Variants in SHLD1 observed in about 807,000 individuals in gnomAD.
The protein encoded by SHLD1 is RINN1-REV7-interacting novel NHEJ regulator 3.
Under a neutral mutation model 5.5 loss-of-function variants are expected in SHLD1, and 3 were observed. The ratio of observed to expected loss-of-function variants is 0.54; its 90% CI spans 0.25 to 1.40. SHLD1 has a LOEUF of 1.40. Ranked by LOEUF, SHLD1 falls within the 40% of genes most tolerant of loss-of-function variation. The pLI is 0.15. For missense variants in SHLD1, 210 were observed against 244.4 expected, an observed-to-expected ratio of 0.86 and a Z score of 0.94; for synonymous variants, 92 against 94.3, an observed-to-expected ratio of 0.98 and a Z score of 0.14.
At chr20:5,831,800 G>T (rs1173875175) in intron 2 of SHLD1, among the ~76,000 whole-genome samples, 2 of 152,092 alleles carry the variant, frequency 1.3e-5, no homozygotes, top group East Asian at 3.8e-4. Flanking sequence ...TGTGAAATGT[G>T]AAAAAAGCAC....
chr20:5,773,397 C>A, intron 2 of SHLD1: 1 of 550,094 alleles, frequency 1.8e-6, no homozygotes, highest in Non-Finnish European at 3.2e-6. Context: ...CAGAAAATAG[C>A]AATGTGGGCC....
intron 2 of SHLD1, among the ~76,000 whole-genome samples, chr20:5,829,577 C>T (rs1151951): frequency 0.5 from 76,289 of 151,992 alleles, 20,051 homozygotes; most frequent in East Asian, 0.63. Flanking sequence ...AGATTAACTC[C>T]GCAGCCATGT....
Position 5,806,813 on chromosome 20 carries a change from T to C in SHLD1, c.178+33770T>C, listed in dbSNP as rs1312309771. 6.6e-6 allele frequency among the ~76,000 whole-genome samples: 1 copy of C among 152,246 alleles called. No individual in the cohort carries two copies. Among genetic ancestry groups the C allele is most frequent in the African/African-American group, 2.4e-5 (1 of 41,470 alleles). On this transcript the variant is annotated intron_variant, in intron 2 of 2. Transcript: ENST00000303142. The surrounding 1 kb of genome is among the most constrained non-coding windows in gnomAD (Gnocchi z 7.6). ...GTTGTTTCTCCGCACCCAAGGGATG[T>C]GAACAGAGTGGTGGCAGTGATGGTT...
chr20:5,756,204 AC>A (rs765269710), intron 1 of SHLD1, among the ~76,000 whole-genome samples: 2 of 151,856 alleles, frequency 1.3e-5, no homozygotes, highest in Non-Finnish European at 2.9e-5. Flanking sequence ...TAATCCCAGC[AC>A]TTCGGTAGGC....
In SHLD1 at chr20:5,858,352, C is replaced by T. The variant is rs565021475; in HGVS notation, c.179-4672C>T. ...AACCCTGCTGTGCATTTATGAACCA[C>T]AGAAATAGCCATGGAAAGTTCTCTG... is the stretch of plus-strand genomic sequence containing the variant. On this transcript the variant is annotated intron_variant, in intron 2 of 2. Coordinates refer to ENST00000303142, the MANE Select transcript of SHLD1 (RefSeq NM_152504.4). Among the ~76,000 whole-genome samples, 7 of 152,218 alleles carry T rather than the reference C, an allele frequency of 4.6e-5. No homozygotes were observed. The South Asian group carries it at 1.2e-3, about 27-fold the overall frequency.
Position 5,863,179 on chromosome 20 carries a change from G to A in SHLD1, c.334G>A (p.Gly112Ser). The A allele has an allele frequency of 6.2e-7, 1 of 1,614,172 alleles. No individual in the cohort carries two copies. Among genetic ancestry groups the A allele is most frequent in the Non-Finnish European group, 8.5e-7 (1 of 1,180,026 alleles). The change falls in exon 3 of 3, where the codon GGC becomes AGC. Residue 112 changes from glycine to serine, a missense_variant. By Grantham distance (56) the Gly-to-Ser change is moderately conservative. Coordinates refer to ENST00000303142, the MANE Select transcript of SHLD1 (RefSeq NM_152504.4). ...TGAAATGTTTGGTCATCCACAGCCAGGCTCTGCAAACTCACTCTCTGCATC... is the reference window on the plus strand; with the variant it reads ...TGAAATGTTTGGTCATCCACAGCCAAGCTCTGCAAACTCACTCTCTGCATC... ...FYEMFGHPQP[G>S]SANSLSASVC... is the part of the protein sequence containing the mutation.
At chr20:5,774,037 C>G (rs1985312850) in intron 2 of SHLD1, among the ~76,000 whole-genome samples, 1 of 152,058 alleles carries the variant, frequency 6.6e-6, no homozygotes, top group Admixed American at 6.6e-5. Flanking sequence ...AACCCTGTCT[C>G]TACTAAAAAT....
intron 2 of SHLD1, among the ~76,000 whole-genome samples, chr20:5,854,520 T>C (rs576475272): frequency 6.6e-6 from 1 of 152,316 alleles, no homozygotes; most frequent in Non-Finnish European, 1.5e-5. Flanking sequence ...GCTTCTAAAC[T>C]AGCAGAACAC....
intron 2 of SHLD1, among the ~76,000 whole-genome samples, chr20:5,805,919 G>A (rs773609401): frequency 1.4e-4 from 21 of 152,146 alleles, no homozygotes; most frequent in Admixed American, 5.9e-4. Context: ...TGTTTAATAT[G>A]GCAGGAGTGA....
intron 2 of SHLD1, among the ~76,000 whole-genome samples, chr20:5,854,884 TAAGA>T (rs2088062117): frequency 6.6e-6 from 1 of 150,584 alleles, no homozygotes; most frequent in African/African-American, 2.5e-5. Flanking sequence ...TTTTTTTTTT[TAAGA>T]GACAGGTCTT....
intron 2 of SHLD1, among the ~76,000 whole-genome samples, chr20:5,802,913 A>G (rs2122344465): frequency 6.6e-6 from 1 of 152,264 alleles, no homozygotes; most frequent in East Asian, 1.9e-4. Context: ...TTATACCAAG[A>G]ATTCTTCATC....
intron 2 of SHLD1, among the ~76,000 whole-genome samples, chr20:5,786,071 G>A (rs752525373): frequency 1.3e-5 from 2 of 152,130 alleles, no homozygotes; most frequent in African/African-American, 2.4e-5. Context: ...GAAGGTCTCT[G>A]CAGCAGCCTC....
chr20:5,851,720 A>G (rs2122494394), intron 2 of SHLD1, among the ~76,000 whole-genome samples: 1 of 152,178 alleles, frequency 6.6e-6, no homozygotes, highest in African/African-American at 2.4e-5. Context: ...TTTTTAAATT[A>G]CTGAGATATA....
intron 2 of SHLD1, among the ~76,000 whole-genome samples, chr20:5,817,426 C>CTGTGTGTG (rs1276438301): frequency 1.6e-5 from 2 of 127,034 alleles, no homozygotes; most frequent in African/African-American, 7.6e-5. Context: ...CTCTCTCTCT[C>CTGTGTGTG]TCTCTCTGTG....
chr20:5,826,912 C>G (rs900681281), intron 2 of SHLD1, among the ~76,000 whole-genome samples: 1 of 151,938 alleles, frequency 6.6e-6, no homozygotes, highest in Non-Finnish European at 1.5e-5. Context: ...CATATCCCCC[C>G]CTTCACCACA....
At chr20:5,815,496 G>A (rs2087517721) in intron 2 of SHLD1, among the ~76,000 whole-genome samples, 1 of 152,164 alleles carries the variant, frequency 6.6e-6, no homozygotes, top group African/African-American at 2.4e-5. Flanking sequence ...CTGGCCTGTG[G>A]ACCAATTCTG....
intron 2 of SHLD1, among the ~76,000 whole-genome samples, chr20:5,851,929 C>G (rs531632608): frequency 1.1e-3 from 174 of 151,886 alleles, no homozygotes; most frequent in Non-Finnish European, 1.8e-3. Flanking sequence ...GGGTGGATCC[C>G]TCATGGCTTG....
At chr20:5,828,564 A>G (rs2087692602) in intron 2 of SHLD1, among the ~76,000 whole-genome samples, 2 of 152,192 alleles carry the variant, frequency 1.3e-5, no homozygotes, top group South Asian at 2.1e-4. Context: ...TAGGTCTTGT[A>G]CCAAGAAGAA....
At chr20:5,832,416 G>C (rs539009587) in intron 2 of SHLD1, among the ~76,000 whole-genome samples, 1 of 152,150 alleles carries the variant, frequency 6.6e-6, no homozygotes, top group Non-Finnish European at 1.5e-5. Context: ...CTGGAAAATA[G>C]TAAGCCATAA....
Sources: gnomAD v4.1 joint callset for allele counts (sites outside exome capture counted in the v4.1 genomes callset) on GRCh38, gnomAD v4.1.1 for gene constraint, Gnocchi (gnomAD v3.1) non-coding constraint, MANE v1.5 for transcripts, NCBI Gene and HGNC (gene_info 2026-07-23, HGNC 2026-07-21) for gene names.